Variants in YPEL1 observed in about 807,000 individuals in gnomAD.
YPEL1 encodes the protein protein yippee-like 1.
Under a neutral mutation model 17.3 loss-of-function variants are expected in YPEL1, and 7 were observed. The observed-to-expected ratio is 0.40, with a 90% confidence interval of 0.23 to 0.76. YPEL1 has a LOEUF of 0.76. Ranked by LOEUF, YPEL1 falls within the 30% of genes least tolerant of loss-of-function variation. The probability of loss-of-function intolerance (pLI) is 0.35; values close to 1 mark genes in which losing one functional copy is unlikely to be tolerated. For missense variants in YPEL1, 91 were observed against 155.5 expected, an observed-to-expected ratio of 0.59 and a Z score of 2.21; for synonymous variants, 59 against 59.6, an observed-to-expected ratio of 0.99 and a Z score of 0.05.
chr22:21,698,217 G>A lies in YPEL1; in HGVS notation c.*2912C>T, dbSNP rs1253524248. 2 of 119,482 alleles carry A rather than the reference G, an allele frequency of 1.7e-5. No individual in the cohort carries two copies. Among genetic ancestry groups the A allele is most frequent in the Non-Finnish European group, 3.6e-5 (2 of 55,572 alleles). 7.4% of individuals were successfully genotyped at this position (119,482 alleles called of 1,614,324 possible). A position where few individuals can be genotyped will look rare whatever the true frequency, so the allele number is the denominator to read the frequency against. On this transcript the variant is annotated 3_prime_UTR_variant, in exon 5 of 5. Coordinates refer to ENST00000339468, the MANE Select transcript of YPEL1 (RefSeq NM_013313.5). Reference sequence around the variant, plus strand: ...AAAAATGAGCTTGTATTTTGCAGAAGCCCAACAAAAAAAAAGTGATAAAAG... The same window carrying A: ...AAAAATGAGCTTGTATTTTGCAGAAACCCAACAAAAAAAAAGTGATAAAAG...
intron 1 of YPEL1, among the ~76,000 whole-genome samples, chr22:21,735,100 A>T (rs1344803983): frequency 2.0e-5 from 3 of 152,238 alleles, no homozygotes; most frequent in African/African-American, 7.2e-5. Flanking sequence ...TAGATCTCTG[A>T]AGCTCAGGCT....
chr22:21,707,823 A>G (rs1211403871), intron 2 of YPEL1, among the ~76,000 whole-genome samples: 1 of 152,244 alleles, frequency 6.6e-6, no homozygotes, highest in Non-Finnish European at 1.5e-5. Flanking sequence ...CCAGGAGATA[A>G]GTAGTTTAGG....
chr22:21,716,892 C>G (rs1391828565), intron 1 of YPEL1, among the ~76,000 whole-genome samples: 1 of 152,088 alleles, frequency 6.6e-6, no homozygotes. Flanking sequence ...ACGGAGGGAA[C>G]CGATGAGCTT....
intron 1 of YPEL1, among the ~76,000 whole-genome samples, chr22:21,728,833 A>G (rs2148614916): frequency 6.6e-6 from 1 of 152,254 alleles, no homozygotes; most frequent in African/African-American, 2.4e-5. Context: ...AACATGGTGA[A>G]ACCCCGTCTC....
chr22:21,718,152 AAACAAC>A (rs771000109), intron 1 of YPEL1, among the ~76,000 whole-genome samples: 1 of 150,278 alleles, frequency 6.7e-6, no homozygotes, highest in Non-Finnish European at 1.5e-5. Flanking sequence ...AACAAAAACA[AAACAAC>A]AACAACAACA....
At position 21,715,735 on chromosome 22, in the gene YPEL1, C is replaced by T. The variant is rs116747156; in HGVS notation, c.-164-4827G>A. Reference sequence around the variant, plus strand: ...TAGCTGGGACTACTGGCACGTGCCACCACACCTAATTTTTCTTTTTCTTTT... The same window carrying T: ...TAGCTGGGACTACTGGCACGTGCCATCACACCTAATTTTTCTTTTTCTTTT... On this transcript the variant is annotated intron_variant, in intron 1 of 4. Coordinates refer to ENST00000339468, the MANE Select transcript of YPEL1 (RefSeq NM_013313.5). 7.0e-3 allele frequency among the ~76,000 whole-genome samples: 801 copies of T among 114,116 alleles called. 5 individuals are homozygous for T. The highest frequency in any genetic ancestry group is 0.021 in the African/African-American group (766 of 36,628). 74.9% of individuals were successfully genotyped at this position (114,116 alleles called of 152,430 possible). A position where few individuals can be genotyped will look rare whatever the true frequency, so the allele number is the denominator to read the frequency against.
intron 1 of YPEL1, among the ~76,000 whole-genome samples, chr22:21,717,087 C>T (rs1004758413): frequency 1.5e-5 from 2 of 136,790 alleles, no homozygotes; most frequent in Non-Finnish European, 1.6e-5. Flanking sequence ...AGCGAGAGGC[C>T]GGGCGCGCTG....
At position 21,712,826 on chromosome 22, in the gene YPEL1, AAC is replaced by A. The variant is rs528646236; in HGVS notation, c.-164-1920_-164-1919del. On this transcript the variant is annotated intron_variant, in intron 1 of 4. Transcript: ENST00000339468. ...TGTTAAAAAAAACTCAGCAAAAAGA[AAC>A]ACAATCTGATTAAAAAATGGACAAA... Among the ~76,000 whole-genome samples, 355 of 152,170 alleles carry A rather than the reference AAC, an allele frequency of 2.3e-3. 2 individuals carry two copies. The highest frequency in any genetic ancestry group is 6.8e-3 in the Middle Eastern group (2 of 294).
chr22:21,710,157 G>A (rs1363712977), intron 2 of YPEL1, among the ~76,000 whole-genome samples: 2 of 152,140 alleles, frequency 1.3e-5, no homozygotes, highest in African/African-American at 4.8e-5. Flanking sequence ...ACAGAGACCA[G>A]CCAGAGCTTC....
intron 1 of YPEL1, among the ~76,000 whole-genome samples, chr22:21,711,839 T>G (rs912851251): frequency 6.6e-6 from 1 of 152,170 alleles, no homozygotes; most frequent in African/African-American, 2.4e-5. Flanking sequence ...ACCAAAAGCA[T>G]GGGCAGCAAA....
chr22:21,725,103 T>A lies in YPEL1; in HGVS notation c.-165+10512A>T, dbSNP rs539251059. On this transcript the variant is annotated intron_variant, in intron 1 of 4. Transcript: ENST00000339468. ...TATATTTTTTTAGTAAAGATGGGCT[T>A]TCACCATGTTGTCCAGGCTGGTCTC... 5.3e-5 allele frequency among the ~76,000 whole-genome samples: 8 copies of A among 151,726 alleles called. No homozygotes were observed. In the South Asian group the frequency reaches 1.7e-3, roughly 32 times the overall value.
intron 1 of YPEL1, among the ~76,000 whole-genome samples, chr22:21,718,152 A>AAAC (rs771000109): frequency 4.7e-4 from 71 of 150,278 alleles, no homozygotes; most frequent in African/African-American, 6.4e-4. Flanking sequence ...AACAAAAACA[A>AAAC]AACAACAACA....
At chr22:21,717,923 T>C (rs2068242974) in intron 1 of YPEL1, among the ~76,000 whole-genome samples, 1 of 149,962 alleles carries the variant, frequency 6.7e-6, no homozygotes, top group Admixed American at 6.6e-5. Context: ...GCCCAGGAGT[T>C]TGAGACCAGC....
intron 4 of YPEL1, among the ~76,000 whole-genome samples, chr22:21,702,159 A>T (rs2068072591): frequency 6.6e-6 from 1 of 152,160 alleles, no homozygotes; most frequent in Admixed American, 6.5e-5. Flanking sequence ...GATGACCAAG[A>T]TGGATCCTGC....
At chr22:21,712,449 C>T (rs368106845) in intron 1 of YPEL1, among the ~76,000 whole-genome samples, 5 of 150,062 alleles carry the variant, frequency 3.3e-5, no homozygotes, top group Non-Finnish European at 5.9e-5. Context: ...GGTATGGGCC[C>T]GGCGTGGTGG....
intron 1 of YPEL1, among the ~76,000 whole-genome samples, chr22:21,727,660 C>T (rs1314053982): frequency 6.6e-6 from 1 of 152,214 alleles, no homozygotes; most frequent in African/African-American, 2.4e-5. Flanking sequence ...TAAAGACAAA[C>T]ACACTGAGGA....
At chr22:21,728,006 G>C (rs1309310849) in intron 1 of YPEL1, among the ~76,000 whole-genome samples, 2 of 152,224 alleles carry the variant, frequency 1.3e-5, no homozygotes, top group Non-Finnish European at 2.9e-5. Context: ...TGCTGGGCGT[G>C]GCGATGAAGG....
At chr22:21,720,018 A>T (rs1348418829) in intron 1 of YPEL1, among the ~76,000 whole-genome samples, 2 of 150,478 alleles carry the variant, frequency 1.3e-5, no homozygotes, top group East Asian at 4.0e-4. Context: ...TCTCAAAAAA[A>T]AAAAAAAAAA....
At chr22:21,705,120 T>C (rs2068103244) in intron 2 of YPEL1, among the ~76,000 whole-genome samples, 1 of 152,092 alleles carries the variant, frequency 6.6e-6, no homozygotes, top group South Asian at 2.1e-4. Flanking sequence ...CACGTGCCAC[T>C]AGGCCCAGCT....
Sources: allele counts gnomAD v4.1 joint callset (sites outside exome capture counted in the v4.1 genomes callset), GRCh38; gene constraint gnomAD v4.1.1; transcripts MANE v1.5; gene names NCBI Gene and HGNC (gene_info 2026-07-23, HGNC 2026-07-21).